DEPTOR: variants seen among roughly 807,000 people sequenced by gnomAD.
DEPTOR encodes the protein DEP domain-containing mTOR-interacting protein.
A neutral mutation model predicts 41.6 loss-of-function variants in DEPTOR; 41 were observed. The observed-to-expected ratio is 0.98, with a 90% CI of 0.77 to 1.28. DEPTOR has a LOEUF of 1.28. DEPTOR is among the 50% of genes most tolerant of loss of function. DEPTOR has a pLI of 0.00. For synonymous variants in DEPTOR, 195 were observed against 192.3 expected (o/e 1.01, Z -0.12); for missense variants, 514 against 527.9 (o/e 0.97, Z 0.26).
chr8:119,916,410 G>A (rs1049594853), intron 1 of DEPTOR, among the ~76,000 whole-genome samples: 4 of 151,738 alleles, frequency 2.6e-5, no homozygotes, highest in East Asian at 3.9e-4. Context: ...CACGAGCCAC[G>A]GTGCCCAGCC....
At chr8:119,983,437 T>C (rs1355354257) in intron 4 of DEPTOR, among the ~76,000 whole-genome samples, 1 of 151,912 alleles carries the variant, frequency 6.6e-6, no homozygotes, top group African/African-American at 2.4e-5. Flanking sequence ...CAGGCTGGAG[T>C]GGAGTGGCGC....
At chr8:119,904,918 A>C (rs1380586869) in intron 1 of DEPTOR, among the ~76,000 whole-genome samples, 1 of 150,626 alleles carries the variant, frequency 6.6e-6, no homozygotes, top group Non-Finnish European at 1.5e-5. Context: ...CAGCCACCCA[A>C]GTAGCTAGGA....
chr8:119,992,092 T>C (rs1243412310), intron 4 of DEPTOR, among the ~76,000 whole-genome samples: 2 of 152,218 alleles, frequency 1.3e-5, no homozygotes, highest in Non-Finnish European at 2.9e-5. Context: ...ATCCTTGCAG[T>C]TTATCTGTGA....
In DEPTOR at chr8:120,002,882, C is replaced by T. The variant is rs539775843; in HGVS notation, c.791-95C>T. 7.8e-6 allele frequency: 11 copies of T among 1,416,950 alleles called. No homozygotes were observed. In the African/African-American group the frequency reaches 1.3e-4, roughly 17 times the overall value. The allele number at this position is 1,416,950 out of a possible 1,614,324, so 87.8% of individuals were successfully genotyped here. A position where few individuals can be genotyped will look rare whatever the true frequency, so the allele number is the denominator to read the frequency against. ...TGCCACTAAGACCAGTGTGCTTTCT[C>T]CTGGCCCCTCTGGACCTTGCAGTTG... is the stretch of plus-strand genomic sequence containing the variant. On this transcript the variant is annotated intron_variant, in intron 5 of 8. Transcript: ENST00000286234.
At chr8:119,920,960 C>T (rs1195014295) in intron 1 of DEPTOR, among the ~76,000 whole-genome samples, 2 of 150,360 alleles carry the variant, frequency 1.3e-5, no homozygotes, top group African/African-American at 2.5e-5. Flanking sequence ...CCAGTTTCCT[C>T]GATGACTTTT....
chr8:119,901,995 T>G (rs1392199653), intron 1 of DEPTOR, among the ~76,000 whole-genome samples: 1 of 152,166 alleles, frequency 6.6e-6, no homozygotes, highest in Non-Finnish European at 1.5e-5. Context: ...ATACATATTA[T>G]GAACATCCGC....
intron 4 of DEPTOR, among the ~76,000 whole-genome samples, chr8:119,991,034 C>CTTTTCTTTTCT (rs762692903): frequency 3.7e-5 from 1 of 26,960 alleles, no homozygotes; most frequent in South Asian, 1.0e-3. Flanking sequence ...GTTTTCTTTT[C>CTTTTCTTTTCT]TTTCTTTCTT....
chr8:120,019,782 G>T (rs879774254), intron 8 of DEPTOR, among the ~76,000 whole-genome samples: 5 of 152,148 alleles, frequency 3.3e-5, no homozygotes, highest in Admixed American at 1.3e-4. Context: ...TAATTCTTCA[G>T]TCTTAGAAAT....
chr8:119,921,748 G>GTTTTTTTTTTTTTTTTTTTTTT (rs1282897659), intron 1 of DEPTOR, among the ~76,000 whole-genome samples: 1 of 131,134 alleles, frequency 7.6e-6, no homozygotes. Context: ...CTATTCTGTA[G>GTTTTTTTTTTTTTTTTTTTTTT]TTTTTTTTTT....
chr8:119,947,726 A>G lies in DEPTOR; in HGVS notation c.426-17506A>G, dbSNP rs564451123. On this transcript the variant is annotated intron_variant, in intron 3 of 8. Transcript: ENST00000286234. ...TTGCTGAACTGAAAGCACTGTTGCC[A>G]TAATGAAAGTGAAAAGGTGATGGAT... Among the ~76,000 whole-genome samples, 5 of 152,346 alleles carry G rather than the reference A, an allele frequency of 3.3e-5. No individual in the cohort carries two copies. In the South Asian group the frequency reaches 1.0e-3, roughly 32 times the overall value.
At chr8:119,878,649 C>A (rs1467163294) in intron 1 of DEPTOR, among the ~76,000 whole-genome samples, 1 of 151,904 alleles carries the variant, frequency 6.6e-6, no homozygotes, top group African/African-American at 2.4e-5. Flanking sequence ...TTTTAAAGGG[C>A]GGTTGGTTGT....
At chr8:119,957,768 T>C (rs1007738798) in intron 3 of DEPTOR, among the ~76,000 whole-genome samples, 1 of 152,144 alleles carries the variant, frequency 6.6e-6, no homozygotes, top group South Asian at 2.1e-4. Context: ...TTTGTATTTT[T>C]AGTAAAGACA....
intron 7 of DEPTOR, among the ~76,000 whole-genome samples, chr8:120,007,787 A>T (rs1812467368): frequency 6.6e-6 from 1 of 152,238 alleles, no homozygotes; most frequent in East Asian, 1.9e-4. Context: ...GAAAAGATAA[A>T]CTCCACCTTC....
At chr8:119,975,714 G>C (rs956427494) in intron 4 of DEPTOR, among the ~76,000 whole-genome samples, 4 of 151,984 alleles carry the variant, frequency 2.6e-5, no homozygotes, top group African/African-American at 9.7e-5. Flanking sequence ...GAGGGGAAGG[G>C]AGCAGCAAGG....
intron 1 of DEPTOR, among the ~76,000 whole-genome samples, chr8:119,922,107 C>T (rs998586352): frequency 3.3e-5 from 5 of 151,640 alleles, no homozygotes; most frequent in African/African-American, 4.8e-5. Flanking sequence ...GGCATGGTGG[C>T]GGGCACCTGT....
intron 1 of DEPTOR, among the ~76,000 whole-genome samples, chr8:119,876,661 G>A (rs529186147): frequency 6.6e-6 from 1 of 151,462 alleles, no homozygotes; most frequent in Non-Finnish European, 1.5e-5. Flanking sequence ...GAAGAAGAAG[G>A]ATGGGTAATA....
chr8:119,947,676 C>T lies in DEPTOR; in HGVS notation c.426-17556C>T, dbSNP rs946293819. On this transcript the variant is annotated intron_variant, in intron 3 of 8. Coordinates refer to ENST00000286234, the MANE Select transcript of DEPTOR (RefSeq NM_022783.4). ...ATTCCCAGTGACTAGCACAGGGCGG[C>T]GTATCCAGTATGTGCCTGAGACACT... Among the ~76,000 whole-genome samples, 13 of 152,260 alleles carry T rather than the reference C, an allele frequency of 8.5e-5. No homozygotes were observed. In the East Asian group the frequency reaches 9.7e-4, roughly 11 times the overall value.
chr8:119,883,812 A>G (rs1827330160), intron 1 of DEPTOR, among the ~76,000 whole-genome samples: 1 of 152,198 alleles, frequency 6.6e-6, no homozygotes, highest in Non-Finnish European at 1.5e-5. Context: ...GCCTTGGGCC[A>G]GTAGGTATCT....
intron 4 of DEPTOR, among the ~76,000 whole-genome samples, chr8:119,979,482 C>G (rs540478835): frequency 7.0e-4 from 106 of 151,994 alleles, no homozygotes; most frequent in Non-Finnish European, 1.4e-3. Flanking sequence ...AGGCTGGCCT[C>G]CAACTCCTGA....
Sources: gnomAD v4.1 joint callset for allele counts (sites outside exome capture counted in the v4.1 genomes callset) on GRCh38, gnomAD v4.1.1 for gene constraint, MANE v1.5 for transcripts, NCBI Gene and HGNC (gene_info 2026-07-23, HGNC 2026-07-21) for gene names.